Variants in IMPG1 observed in about 807,000 individuals in gnomAD.
IMPG1 encodes interphotoreceptor matrix proteoglycan 1.
A neutral mutation model predicts 92.0 loss-of-function variants in IMPG1; 85 were observed. That is an observed-to-expected ratio of 0.92 (90% confidence interval 0.78 to 1.11). The LOEUF is 1.11. Among genes scored for constraint, IMPG1 ranks in the 50% least tolerant of loss-of-function variants. The pLI, the probability that IMPG1 is intolerant of heterozygous loss-of-function variation, is 0.00. For synonymous variants in IMPG1, 367 were observed against 334.1 expected (o/e 1.10, Z -1.08); for missense variants, 1,022 against 956.0 (o/e 1.07, Z -0.91).
At chr6:75,964,182 T>C (rs991763695) in intron 12 of IMPG1, among the ~76,000 whole-genome samples, 6 of 152,198 alleles carry the variant, frequency 3.9e-5, no homozygotes, top group Admixed American at 1.3e-4. Flanking sequence ...CATCTCTGTC[T>C]GACCTTCAAA....
At chr6:75,958,604 C>T (rs950887721) in intron 12 of IMPG1, among the ~76,000 whole-genome samples, 4 of 151,360 alleles carry the variant, frequency 2.6e-5, no homozygotes, top group Admixed American at 6.6e-5. Flanking sequence ...ATTTTTTTTT[C>T]TCTAATCTTT....
intron 15 of IMPG1, among the ~76,000 whole-genome samples, chr6:75,924,651 ATATATAATATATAATAAAT>A (rs1183474887): frequency 2.1e-3 from 3 of 1,418 alleles, no homozygotes; most frequent in Non-Finnish European, 3.4e-3. Context: ...ATAATTAATT[ATATATAATATATAATAAAT>A]TATATATTAT....
chr6:76,065,002 C>T (rs932579675), intron 1 of IMPG1, among the ~76,000 whole-genome samples: 8 of 151,914 alleles, frequency 5.3e-5, no homozygotes, highest in African/African-American at 1.9e-4. Context: ...GCACCCAGAA[C>T]CAAAGCCAAA....
At chr6:75,977,783 A>C (rs1226845009) in intron 12 of IMPG1, among the ~76,000 whole-genome samples, 1 of 150,982 alleles carries the variant, frequency 6.6e-6, no homozygotes, top group Non-Finnish European at 1.5e-5. Flanking sequence ...TTTTCTAAGC[A>C]GGAACTCTAA....
intron 13 of IMPG1, among the ~76,000 whole-genome samples, chr6:75,949,355 G>A (rs368401876): frequency 1.6e-4 from 25 of 152,262 alleles, no homozygotes; most frequent in Non-Finnish European, 2.6e-4. Context: ...ACCTCTGGTC[G>A]TCCTCACTAC....
intron 8 of IMPG1, among the ~76,000 whole-genome samples, chr6:76,009,665 G>C (rs1783152053): frequency 6.6e-6 from 1 of 152,158 alleles, no homozygotes; most frequent in Non-Finnish European, 1.5e-5. Flanking sequence ...ATCTTTGGCA[G>C]AAATAATAAT....
chr6:76,017,591 C>T (rs76179437), intron 7 of IMPG1, among the ~76,000 whole-genome samples: 3,266 of 152,222 alleles, frequency 0.021, 73 homozygotes, highest in East Asian at 0.099. Context: ...ATATCAAAAG[C>T]TGTACATATT....
chr6:75,947,283 C>A (rs760497546), intron 14 of IMPG1, 31 bp downstream of exon 14: 20 of 1,527,118 alleles, frequency 1.3e-5, no homozygotes, highest in Non-Finnish European at 1.7e-5. Flanking sequence ...AACAAAACAT[C>A]TCTACCACTT....
rs758375799 is a variant in IMPG1, at chr6:76,005,585, T to G, written c.888-51A>C. 1.9e-6 allele frequency: 3 copies of G among 1,582,488 alleles called. No homozygotes were observed. The East Asian group carries it at 6.7e-5, about 35-fold the overall frequency. The stretch of plus-strand genomic sequence containing the variant: ...CCACCCAAAGCCATTGTTACATGCC[T>G]TGCAAAGAGAATCACTAGATTGCTA... On this transcript the variant is annotated intron_variant, in intron 9 of 16. Transcript: ENST00000369950.
chr6:76,071,462 A>G (rs1784402446), intron 1 of IMPG1, among the ~76,000 whole-genome samples: 1 of 151,738 alleles, frequency 6.6e-6, no homozygotes, highest in Non-Finnish European at 1.5e-5. Context: ...TGCTTCTTTC[A>G]CTATTGTGAA....
intron 14 of IMPG1, among the ~76,000 whole-genome samples, chr6:75,936,138 A>C (rs1171794853): frequency 1.4e-4 from 22 of 152,212 alleles, no homozygotes; most frequent in Non-Finnish European, 1.5e-5. Context: ...TGGCTTCTAG[A>C]AATTGTCTGT....
intron 4 of IMPG1, among the ~76,000 whole-genome samples, chr6:76,030,472 C>A (rs932734473): frequency 2.4e-4 from 37 of 152,208 alleles, no homozygotes; most frequent in Admixed American, 7.2e-4. Context: ...TAAAAAATGC[C>A]TTTTTCTCCT....
At chr6:75,980,090 G>A (rs1371893203) in intron 12 of IMPG1, among the ~76,000 whole-genome samples, 7 of 152,232 alleles carry the variant, frequency 4.6e-5, no homozygotes, top group South Asian at 4.1e-4. Context: ...AAGCAGGATC[G>A]TTTCGGACAT....
intron 4 of IMPG1, among the ~76,000 whole-genome samples, chr6:76,032,830 A>T (rs1007782765): frequency 2.1e-4 from 32 of 152,100 alleles, no homozygotes; most frequent in African/African-American, 7.0e-4. Flanking sequence ...GTCGATATGC[A>T]GTGAGGAAGA....
At position 75,923,678 on chromosome 6, in the gene IMPG1, A is replaced by G. The variant is rs1781470144; in HGVS notation, c.2272T>C (p.Tyr758His). 2 of 1,597,094 alleles carry G rather than the reference A, an allele frequency of 1.3e-6. No homozygotes were observed. Among genetic ancestry groups the G allele is most frequent in the Admixed American group, 3.4e-5 (2 of 59,414 alleles). The change falls in exon 16 of 17, where the codon TAC becomes CAC. Residue 758 changes from tyrosine to histidine, a missense_variant. Transcript: ENST00000369950. ...RLPDHSENQA[Y>H]KTSVKKFQNQ... The stretch of plus-strand genomic sequence containing the variant: ...TGGAACTTTTTAACACTAGTTTTGT[A>G]TGCTTGATTTTCAGAGTGATCTGGC...
rs759523513 is a variant in IMPG1, at chr6:76,072,571, A to G, written c.-83T>C. On this transcript the variant is annotated 5_prime_UTR_variant, in exon 1 of 17. Coordinates refer to ENST00000369950, the MANE Select transcript of IMPG1 (RefSeq NM_001563.4). ...TTAAAAAGTAACAGAAATGTGAAAA[A>G]TAATTATATATTGATACCAGATGAT... 15 of 774,432 alleles carry G rather than the reference A, an allele frequency of 1.9e-5. No homozygotes were observed. The highest frequency in any genetic ancestry group is 3.4e-5 in the South Asian group (2 of 58,966). 48.0% of individuals were successfully genotyped at this position (774,432 alleles called of 1,614,324 possible).
At chr6:76,026,015 T>G (rs1783523587) in intron 4 of IMPG1, among the ~76,000 whole-genome samples, 1 of 152,144 alleles carries the variant, frequency 6.6e-6, no homozygotes, top group Admixed American at 6.5e-5. Context: ...CCTTGGGAAG[T>G]TTGTGCAGTT....
At chr6:75,960,461 CA>C (rs778529885) in intron 12 of IMPG1, among the ~76,000 whole-genome samples, 68 of 152,284 alleles carry the variant, frequency 4.5e-4, no homozygotes, top group Non-Finnish European at 4.4e-4. Flanking sequence ...ACAGGATGCT[CA>C]TTGGAACATA....
At chr6:76,013,269 C>T (rs1284971714) in intron 7 of IMPG1, among the ~76,000 whole-genome samples, 3 of 152,084 alleles carry the variant, frequency 2.0e-5, no homozygotes, top group Non-Finnish European at 4.4e-5. Context: ...CTGCACCCCA[C>T]CCCCAGGTAC....
Sources: allele counts gnomAD v4.1 joint callset (sites outside exome capture counted in the v4.1 genomes callset), GRCh38; gene constraint gnomAD v4.1.1; transcripts MANE v1.5; gene names NCBI Gene and HGNC (gene_info 2026-07-23, HGNC 2026-07-21).